Variants in NRG3 observed in about 807,000 individuals in gnomAD.
The protein encoded by NRG3 is neuregulin 3.
In NRG3, 31 loss-of-function variants were observed where a neutral mutation model predicts 66.9. The observed-to-expected ratio is 0.46, with a 90% CI of 0.35 to 0.63. The LOEUF (loss-of-function observed/expected upper bound fraction) is 0.63, where lower values mean the gene tolerates loss of function less well. Among genes scored for constraint, NRG3 ranks in the 20% least tolerant of loss-of-function variants. The pLI is 0.00. For synonymous variants in NRG3, 393 were observed against 359.4 expected (o/e 1.09, Z -1.06); for missense variants, 910 against 878.9 (o/e 1.04, Z -0.45).
chr10:82,001,195 G>T, intron 1 of NRG3, among the ~76,000 whole-genome samples: 1 of 119,848 alleles, frequency 8.3e-6, no homozygotes, highest in East Asian at 2.3e-4. Context: ...AAGTGTAAGA[G>T]AAAAAAAAAA....
At chr10:82,424,568 T>C (rs1214607882) in intron 2 of NRG3, among the ~76,000 whole-genome samples, 1 of 152,112 alleles carries the variant, frequency 6.6e-6, no homozygotes, top group African/African-American at 2.4e-5. Context: ...GACATCCAAA[T>C]ATTTATCCAT....
intron 2 of NRG3, among the ~76,000 whole-genome samples, chr10:82,638,453 A>G (rs1287244326): frequency 6.6e-6 from 1 of 152,140 alleles, no homozygotes; most frequent in East Asian, 1.9e-4. Context: ...ACTCAGTATT[A>G]TAGGCATTTA....
chr10:82,474,708 G>T (rs893409821), intron 2 of NRG3, among the ~76,000 whole-genome samples: 3 of 152,022 alleles, frequency 2.0e-5, no homozygotes, highest in Admixed American at 6.5e-5. Context: ...CTTATTTAAA[G>T]AAATAATGAC....
At position 82,376,963 on chromosome 10, in the gene NRG3, C is replaced by G. The variant is rs59874007; in HGVS notation, c.953+18095C>G. On this transcript the variant is annotated intron_variant, in intron 2 of 8. Transcript: ENST00000372141. Reference sequence around the variant, plus strand: ...ATACTAAGAGTGAAATTACTTGGTCCAGGAACATGAATATGTTCATGACTC... The same window carrying G: ...ATACTAAGAGTGAAATTACTTGGTCGAGGAACATGAATATGTTCATGACTC... Among the ~76,000 whole-genome samples, 83 of 152,234 alleles carry G rather than the reference C, an allele frequency of 5.5e-4. 2 individuals carry two copies. The East Asian group carries it at 0.016, about 29-fold the overall frequency.
chr10:82,106,703 T>C (rs1590136874), intron 1 of NRG3, among the ~76,000 whole-genome samples: 1 of 151,812 alleles, frequency 6.6e-6, no homozygotes, highest in Non-Finnish European at 1.5e-5. Context: ...ACAGGTTTTC[T>C]CCATGTTGGC....
Position 82,986,592 on chromosome 10 carries a change from TC to T in NRG3, c.*988del, listed in dbSNP as rs1186698513. Reference sequence around the variant, plus strand: ...CCATTAAGTATAAAGTTCAGTTAGTTCTTAAATCAAGGTCACTTGCATGGTG... The same window carrying T: ...CCATTAAGTATAAAGTTCAGTTAGTTTTAAATCAAGGTCACTTGCATGGTG... On this transcript the variant is annotated 3_prime_UTR_variant, in exon 9 of 9. Coordinates refer to ENST00000372141, the MANE Select transcript of NRG3 (RefSeq NM_001010848.4). The T allele has an allele frequency of 2.0e-5, 3 of 152,332 alleles. No individual in the cohort carries two copies. The highest frequency in any genetic ancestry group is 4.4e-5 in the Non-Finnish European group (3 of 68,036). 9.4% of individuals were successfully genotyped at this position (152,332 alleles called of 1,614,324 possible).
chr10:82,783,561 A>C (rs1460977099), intron 3 of NRG3, among the ~76,000 whole-genome samples: 4 of 152,060 alleles, frequency 2.6e-5, no homozygotes, highest in East Asian at 1.9e-4. Flanking sequence ...TATACACCAA[A>C]AACAGGCAAA....
intron 2 of NRG3, among the ~76,000 whole-genome samples, chr10:82,602,543 C>T (rs934908148): frequency 2.0e-5 from 3 of 152,028 alleles, no homozygotes; most frequent in African/African-American, 4.8e-5. Flanking sequence ...GACCTAGACT[C>T]CACCACTTCC....
chr10:82,106,936 T>C (rs558967773), intron 1 of NRG3, among the ~76,000 whole-genome samples: 2 of 152,330 alleles, frequency 1.3e-5, no homozygotes, highest in South Asian at 4.1e-4. Context: ...AGATTTAATA[T>C]AGTCCCATTT....
chr10:82,807,789 T>C (rs2061348418), intron 3 of NRG3, among the ~76,000 whole-genome samples: 2 of 152,206 alleles, frequency 1.3e-5, no homozygotes, highest in Admixed American at 1.3e-4. Context: ...CCCTGTTTCC[T>C]GTCTTCTCTT....
At chr10:82,069,265 G>A (rs10509446) in intron 1 of NRG3, among the ~76,000 whole-genome samples, 5,569 of 152,208 alleles carry the variant, frequency 0.037, 140 homozygotes, top group East Asian at 0.098. Context: ...AAAACAGCTG[G>A]ACCTCAGAGA....
chr10:82,725,137 G>A (rs1280620760), intron 2 of NRG3, among the ~76,000 whole-genome samples: 2 of 152,190 alleles, frequency 1.3e-5, no homozygotes, highest in African/African-American at 4.8e-5. Context: ...AAGAGTCTCA[G>A]TATTAAAATT....
chr10:82,968,428 A>G (rs960429550), intron 6 of NRG3, among the ~76,000 whole-genome samples: 2 of 152,246 alleles, frequency 1.3e-5, no homozygotes, highest in Non-Finnish European at 2.9e-5. Flanking sequence ...TACAAATAAA[A>G]ACAACTGTTT....
intron 1 of NRG3, among the ~76,000 whole-genome samples, chr10:81,990,545 C>A (rs961529767): frequency 1.3e-5 from 2 of 152,208 alleles, no homozygotes; most frequent in Non-Finnish European, 2.9e-5. Flanking sequence ...TGCCATCTAA[C>A]CATAAGATAT....
chr10:82,165,360 T>C (rs902375199), intron 1 of NRG3, among the ~76,000 whole-genome samples: 1 of 152,130 alleles, frequency 6.6e-6, no homozygotes, highest in African/African-American at 2.4e-5. Context: ...GATTACAGTC[T>C]CATTAGGATT....
intron 1 of NRG3, among the ~76,000 whole-genome samples, chr10:82,070,593 A>C (rs2064751125): frequency 6.6e-6 from 1 of 152,196 alleles, no homozygotes; most frequent in Non-Finnish European, 1.5e-5. Context: ...CTGGAAAAAT[A>C]ATAATGACAT....
intron 3 of NRG3, among the ~76,000 whole-genome samples, chr10:82,818,656 T>C (rs781064240): frequency 1.3e-5 from 2 of 152,052 alleles, no homozygotes; most frequent in African/African-American, 2.4e-5. Context: ...AATCTCTAAA[T>C]TAAAATTCTC....
chr10:82,971,238 G>A (rs1481608015), intron 6 of NRG3, among the ~76,000 whole-genome samples: 1 of 152,048 alleles, frequency 6.6e-6, no homozygotes, highest in Non-Finnish European at 1.5e-5. Context: ...AATTGGGGAT[G>A]AAATTTCAAC....
intron 1 of NRG3, among the ~76,000 whole-genome samples, chr10:81,982,363 G>A (rs1476611109): frequency 6.6e-6 from 1 of 152,198 alleles, no homozygotes; most frequent in Non-Finnish European, 1.5e-5. Flanking sequence ...TTTACAGAAA[G>A]TTTGTTCAAG....
Sources: gnomAD v4.1 joint callset for allele counts (sites outside exome capture counted in the v4.1 genomes callset) on GRCh38, gnomAD v4.1.1 for gene constraint, MANE v1.5 for transcripts, NCBI Gene and HGNC (gene_info 2026-07-23, HGNC 2026-07-21) for gene names.